Variants in SCEL observed in about 807,000 individuals in gnomAD.
The protein encoded by SCEL is sciellin.
Under a neutral mutation model 117.6 loss-of-function variants are expected in SCEL, and 113 were observed. The ratio of observed to expected loss-of-function variants is 0.96; its 90% CI spans 0.83 to 1.12. The LOEUF (loss-of-function observed/expected upper bound fraction) is 1.12. SCEL is among the 50% of genes most tolerant of loss of function. The pLI is 0.00. For missense variants in SCEL, 785 were observed against 810.8 expected (o/e 0.97, Z 0.39); for synonymous variants, 270 against 256.2 (o/e 1.05, Z -0.51).
At chr13:77,558,078 C>CTGT (rs1422536675) in intron 3 of SCEL, among the ~76,000 whole-genome samples, 3 of 152,198 alleles carry the variant, frequency 2.0e-5, no homozygotes, top group Non-Finnish European at 4.4e-5. Flanking sequence ...CAAAGCATTT[C>CTGT]CAATTTTCTG....
intron 18 of SCEL, 29 bp downstream of exon 18, chr13:77,603,164 G>T: frequency 7.4e-7 from 1 of 1,354,850 alleles, no homozygotes; most frequent in Non-Finnish European, 1.0e-6. Context: ...TTTAATTATG[G>T]TTTCTGTTAA....
In SCEL at chr13:77,634,450, G is replaced by T; in HGVS notation, c.1763G>T (p.Ser588Ile). The T allele has an allele frequency of 6.2e-7, 1 of 1,605,124 alleles. No homozygotes were observed. The highest frequency in any genetic ancestry group is 1.1e-5 in the South Asian group (1 of 90,232). The change falls in exon 29 of 33, where the codon AGT becomes ATT. Residue 588 changes from serine (S) to isoleucine (I), a missense_variant and splice_region_variant. Ser to Ile is a moderately radical substitution (Grantham distance 142). Coordinates refer to ENST00000349847, the MANE Select transcript of SCEL (RefSeq NM_144777.3). Reference protein sequence around the residue: ...VVYTRTYVENSKSPKDGYQEN... With the variant: ...VVYTRTYVENIKSPKDGYQEN... ...TACACAAGGACATATGTGGAGAATA[G>T]GTATTCAAAATTTATTTCAAATATA... is the stretch of plus-strand genomic sequence containing the variant.
At chr13:77,637,291 TATATATAAATATATATAC>T (rs2090331153) in intron 30 of SCEL, 97 bp downstream of exon 30, 1 of 192,456 alleles carries the variant, frequency 5.2e-6, no homozygotes, top group African/African-American at 2.6e-5. Context: ...CACACACACA[TATATATAAATATATATAC>T]ATATATATAA....
intron 1 of SCEL, among the ~76,000 whole-genome samples, chr13:77,553,564 T>G (rs1456481324): frequency 6.6e-6 from 1 of 152,168 alleles, no homozygotes; most frequent in Non-Finnish European, 1.5e-5. Context: ...GGTATTTCTT[T>G]ACCTTCATTT....
At chr13:77,559,513 C>CACAACACA (rs2084854255) in intron 3 of SCEL, among the ~76,000 whole-genome samples, 1 of 82,736 alleles carries the variant, frequency 1.2e-5, no homozygotes, top group African/African-American at 7.2e-5. Flanking sequence ...TCTGATAAAA[C>CACAACACA]ACAACACAAC....
intron 5 of SCEL, among the ~76,000 whole-genome samples, chr13:77,564,208 T>TG (rs2085154642): frequency 6.7e-6 from 1 of 150,026 alleles, no homozygotes; most frequent in Non-Finnish European, 1.5e-5. Flanking sequence ...TTTTTTTTTT[T>TG]GCGAATATGT....
At chr13:77,601,237 G>A (rs770472139) in intron 15 of SCEL, among the ~76,000 whole-genome samples, 1 of 151,840 alleles carries the variant, frequency 6.6e-6, no homozygotes, top group Non-Finnish European at 1.5e-5. Flanking sequence ...AGTAGGATGT[G>A]CATCTTAAGT....
intron 9 of SCEL, among the ~76,000 whole-genome samples, chr13:77,587,347 C>G (rs2086621601): frequency 6.6e-6 from 1 of 152,054 alleles, no homozygotes; most frequent in African/African-American, 2.4e-5. Context: ...ATTTCCCCCT[C>G]TCTCTCCTGC....
chr13:77,562,468 C>T (rs1350156218), intron 4 of SCEL, among the ~76,000 whole-genome samples: 5 of 152,166 alleles, frequency 3.3e-5, no homozygotes, highest in South Asian at 4.1e-4. Context: ...TACCTCTATT[C>T]GAAAATGTTC....
At position 77,599,691 on chromosome 13, in the gene SCEL, C is replaced by T. The variant is rs898207264; in HGVS notation, c.860C>T (p.Ala287Val). Residue 287 changes from alanine to valine, a missense_variant and splice_region_variant, in exon 15 of 33, where the codon GCC becomes GTC. Coordinates refer to ENST00000349847, the MANE Select transcript of SCEL (RefSeq NM_144777.3). The part of the protein sequence containing the change: ...NPKVEEREKR[A>V]KSLESLIYMS... ...TGTGAATTTCTTTGTGTTTTCAGAG[C>T]CAAAAGCCTTGAAAGTCTCATCTAT... is the stretch of plus-strand genomic sequence containing the variant. 6.2e-7 allele frequency: 1 copy of T among 1,609,676 alleles called. No homozygotes were observed. The highest frequency in any genetic ancestry group is 8.5e-7 in the Non-Finnish European group (1 of 1,175,958).
At chr13:77,557,498 G>A (rs61965767) in intron 3 of SCEL, among the ~76,000 whole-genome samples, 15 of 152,320 alleles carry the variant, frequency 9.8e-5, no homozygotes, top group Non-Finnish European at 1.9e-4. Flanking sequence ...AAAACACAAC[G>A]TAGGTGTTAT....
intron 1 of SCEL, among the ~76,000 whole-genome samples, chr13:77,544,097 G>T (rs1005590524): frequency 6.6e-6 from 1 of 152,072 alleles, no homozygotes; most frequent in African/African-American, 2.4e-5. Flanking sequence ...CAACCTAAAG[G>T]CATGTAAGGC....
At chr13:77,541,253 T>G (rs1349702601) in intron 1 of SCEL, among the ~76,000 whole-genome samples, 4 of 152,156 alleles carry the variant, frequency 2.6e-5, no homozygotes, top group African/African-American at 9.6e-5. Flanking sequence ...GAAAATGCCC[T>G]GTAAAGTGAA....
chr13:77,634,940 A>G (rs2090204070), intron 29 of SCEL, among the ~76,000 whole-genome samples: 1 of 152,180 alleles, frequency 6.6e-6, no homozygotes, highest in Non-Finnish European at 1.5e-5. Context: ...TATTGAGGAA[A>G]ATGTAAACCA....
At chr13:77,632,158 G>T (rs968446374) in intron 28 of SCEL, among the ~76,000 whole-genome samples, 4 of 152,184 alleles carry the variant, frequency 2.6e-5, no homozygotes, top group Non-Finnish European at 4.4e-5. Context: ...TCACATTGAA[G>T]GTTATGGCTT....
intron 4 of SCEL, among the ~76,000 whole-genome samples, chr13:77,563,381 ATT>A (rs2085095008): frequency 6.6e-6 from 1 of 152,114 alleles, no homozygotes; most frequent in Non-Finnish European, 1.5e-5. Flanking sequence ...TAAACAAAGC[ATT>A]TATGGATTTA....
intron 15 of SCEL, among the ~76,000 whole-genome samples, chr13:77,601,792 A>G (rs903056858): frequency 6.6e-6 from 1 of 152,208 alleles, no homozygotes; most frequent in African/African-American, 2.4e-5. Context: ...CCAAGAAAGC[A>G]AAAGCCTTGG....
chr13:77,634,600 T>C (rs772308471), intron 29 of SCEL, 150 bp downstream of exon 29: 76 of 517,712 alleles, frequency 1.5e-4, no homozygotes, highest in Non-Finnish European at 2.0e-4. Flanking sequence ...TATAATTCTC[T>C]ATAATGTTTC....
chr13:77,545,044 C>T (rs2083915244), intron 1 of SCEL, among the ~76,000 whole-genome samples: 1 of 152,166 alleles, frequency 6.6e-6, no homozygotes, highest in South Asian at 2.1e-4. Flanking sequence ...CACATGCATT[C>T]AGTGCTTCAT....
Sources: allele counts gnomAD v4.1 joint callset (sites outside exome capture counted in the v4.1 genomes callset), GRCh38; gene constraint gnomAD v4.1.1; transcripts MANE v1.5; gene names NCBI Gene and HGNC (gene_info 2026-07-23, HGNC 2026-07-21).